Variants in GRM5 observed in about 807,000 individuals in gnomAD.
GRM5 encodes the protein glutamate metabotropic receptor 5.
A neutral mutation model predicts 83.1 loss-of-function variants in GRM5; 19 were observed. That is an observed-to-expected ratio of 0.23 (90% CI 0.16 to 0.34). The LOEUF (loss-of-function observed/expected upper bound fraction) is 0.34, where lower values mean the gene tolerates loss of function less well. Among genes scored for constraint, GRM5 ranks in the 10% least tolerant of loss-of-function variants. The pLI, the probability that GRM5 is intolerant of heterozygous loss-of-function variation, is 1.00. For synonymous variants in GRM5, 675 were observed against 633.6 expected (o/e 1.07, Z -0.98); for missense variants, 1,160 against 1,588.3 (o/e 0.73, Z 4.58).
chr11:88,932,643 C>G (rs1444831779), intron 2 of GRM5, among the ~76,000 whole-genome samples: 3 of 151,802 alleles, frequency 2.0e-5, no homozygotes, highest in Non-Finnish European at 4.4e-5. Flanking sequence ...ATATATGTAA[C>G]AACTTATTAA....
At chr11:88,719,849 G>A (rs61904088) in intron 3 of GRM5, among the ~76,000 whole-genome samples, 22,434 of 152,022 alleles carry the variant, frequency 0.15, 1,826 homozygotes, top group Middle Eastern at 0.19. Flanking sequence ...ATTGTTGGCT[G>A]CATGCATGTC....
chr11:88,902,930 G>A (rs1440493090), intron 2 of GRM5, among the ~76,000 whole-genome samples: 7 of 113,540 alleles, frequency 6.2e-5, no homozygotes, highest in African/African-American at 1.5e-4. Context: ...CAGCCTGGGC[G>A]ACAGACCAAG....
intron 4 of GRM5, among the ~76,000 whole-genome samples, chr11:88,645,611 G>A (rs1939422375): frequency 6.6e-6 from 1 of 152,136 alleles, no homozygotes. Flanking sequence ...TAGAACCAAG[G>A]ATGATCTTTA....
intron 2 of GRM5, among the ~76,000 whole-genome samples, chr11:88,999,661 A>G (rs1165516392): frequency 1.3e-5 from 2 of 152,162 alleles, no homozygotes; most frequent in African/African-American, 2.4e-5. Flanking sequence ...TAGTTCAACC[A>G]TTGTGGAAGT....
At chr11:89,041,205 T>C (rs1941524523) in intron 2 of GRM5, among the ~76,000 whole-genome samples, 1 of 152,204 alleles carries the variant, frequency 6.6e-6, no homozygotes, top group African/African-American at 2.4e-5. Context: ...GATCTTCACA[T>C]TTAGGTAAGC....
chr11:88,519,678 A>G (rs1251609932), intron 9 of GRM5, among the ~76,000 whole-genome samples: 1 of 152,194 alleles, frequency 6.6e-6, no homozygotes, highest in Non-Finnish European at 1.5e-5. Flanking sequence ...TTTTGTTATC[A>G]TTAGATTTTG....
intron 2 of GRM5, among the ~76,000 whole-genome samples, chr11:89,021,633 G>C (rs1940987097): frequency 6.6e-6 from 1 of 152,152 alleles, no homozygotes. Flanking sequence ...ACTGGAGACA[G>C]ATATGTTAAA....
At chr11:88,928,443 C>CAT (rs1945827042) in intron 2 of GRM5, among the ~76,000 whole-genome samples, 2 of 107,874 alleles carry the variant, frequency 1.9e-5, no homozygotes, top group Admixed American at 2.4e-4. Flanking sequence ...GACAATCTAT[C>CAT]ATATGTGTGT....
At chr11:88,843,683 G>A (rs141962769) in intron 3 of GRM5, among the ~76,000 whole-genome samples, 1 of 152,344 alleles carries the variant, frequency 6.6e-6, no homozygotes, top group East Asian at 1.9e-4. Context: ...ACTTAATGAG[G>A]AAGGTAAGGT....
intron 3 of GRM5, among the ~76,000 whole-genome samples, chr11:88,828,554 T>C (rs934948897): frequency 3.3e-5 from 5 of 152,132 alleles, no homozygotes; most frequent in East Asian, 1.9e-4. Context: ...TATTTCTAAA[T>C]AGTAAAATAA....
At chr11:88,960,107 T>C (rs555970800) in intron 2 of GRM5, among the ~76,000 whole-genome samples, 1 of 152,176 alleles carries the variant, frequency 6.6e-6, no homozygotes, top group South Asian at 2.1e-4. Context: ...GACTTGTGCT[T>C]AGAATGTTTG....
intron 3 of GRM5, among the ~76,000 whole-genome samples, chr11:88,678,756 C>T (rs547975335): frequency 6.6e-6 from 1 of 152,118 alleles, no homozygotes; most frequent in East Asian, 1.9e-4. Context: ...ACAAAGAATT[C>T]CATGAATAGT....
At chr11:88,957,455 T>C (rs1046361302) in intron 2 of GRM5, among the ~76,000 whole-genome samples, 3 of 152,188 alleles carry the variant, frequency 2.0e-5, no homozygotes, top group African/African-American at 7.2e-5. Flanking sequence ...ATCTCAACAG[T>C]TCCAGGACAT....
At chr11:88,681,526 T>A (rs1484845849) in intron 3 of GRM5, among the ~76,000 whole-genome samples, 1 of 147,214 alleles carries the variant, frequency 6.8e-6, no homozygotes, top group Non-Finnish European at 1.5e-5. Flanking sequence ...TGGATCATAT[T>A]TCCCCTACTG....
intron 2 of GRM5, among the ~76,000 whole-genome samples, chr11:88,988,799 C>A (rs1036335390): frequency 2.1e-5 from 3 of 145,628 alleles, no homozygotes; most frequent in Admixed American, 7.0e-5. Flanking sequence ...CCTTTACAGA[C>A]AAGCAAATGC....
chr11:88,877,599 T>C (rs978374898), intron 2 of GRM5, among the ~76,000 whole-genome samples: 1 of 151,978 alleles, frequency 6.6e-6, no homozygotes, highest in Non-Finnish European at 1.5e-5. Flanking sequence ...TATGGATGTA[T>C]GGCTTGGGCA....
At chr11:88,829,321 C>A (rs528663156) in intron 3 of GRM5, among the ~76,000 whole-genome samples, 2 of 151,992 alleles carry the variant, frequency 1.3e-5, no homozygotes, top group East Asian at 3.9e-4. Flanking sequence ...TTTGGTGGGT[C>A]GCGGAAGCAC....
intron 3 of GRM5, among the ~76,000 whole-genome samples, chr11:88,766,976 A>G (rs7108560): frequency 6.6e-6 from 1 of 151,886 alleles, no homozygotes; most frequent in Admixed American, 6.6e-5. Context: ...CGTTAGAAAA[A>G]TGCAAATAAA....
intron 3 of GRM5, among the ~76,000 whole-genome samples, chr11:88,730,478 G>A (rs1941782599): frequency 6.6e-6 from 1 of 152,102 alleles, no homozygotes. Context: ...CAAGGATCTA[G>A]TGCCAGAAAT....
Sources: gnomAD v4.1 joint callset for allele counts (sites outside exome capture counted in the v4.1 genomes callset) on GRCh38, gnomAD v4.1.1 for gene constraint, MANE v1.5 for transcripts, NCBI Gene and HGNC (gene_info 2026-07-23, HGNC 2026-07-21) for gene names.